CECR2: variants seen among roughly 807,000 people sequenced by gnomAD.
CECR2 encodes the protein chromatin remodeling regulator CECR2.
Under a neutral mutation model 154.5 loss-of-function variants are expected in CECR2, and 30 were observed. The observed-to-expected ratio is 0.19, with a 90% confidence interval of 0.15 to 0.26. The LOEUF is 0.26. Ranked by LOEUF, CECR2 falls within the 10% of genes least tolerant of loss-of-function variation. The pLI is 1.00. For synonymous variants in CECR2, 725 were observed against 683.7 expected, an observed-to-expected ratio of 1.06 and a Z score of -0.94; for missense variants, 1,743 against 1,829.3, an observed-to-expected ratio of 0.95 and a Z score of 0.86.
In CECR2 at chr22:17,452,997, A is replaced by G. The variant is rs188380988; in HGVS notation, c.127-24591A>G. Among the ~76,000 whole-genome samples the G allele has an allele frequency of 2.6e-4, 39 of 152,340 alleles. No individual in the cohort carries two copies. The East Asian group carries it at 5.8e-3, about 23-fold the overall frequency. Reference sequence around the variant, plus strand: ...CATGACAAGACCCTATTTATGAAACATAATAGACACACAAATGTTTATCGG... The same window carrying G: ...CATGACAAGACCCTATTTATGAAACGTAATAGACACACAAATGTTTATCGG... On this transcript the variant is annotated intron_variant, in intron 1 of 18. Coordinates refer to ENST00000262608, the MANE Select transcript of CECR2 (RefSeq NM_001290047.2).
At chr22:17,410,274 C>T (rs1185686718) in intron 1 of CECR2, among the ~76,000 whole-genome samples, 1 of 152,028 alleles carries the variant, frequency 6.6e-6, no homozygotes, top group Non-Finnish European at 1.5e-5. Context: ...CCACCGCGCC[C>T]GGCCCTGTCA....
At chr22:17,430,737 C>T (rs1275408741) in intron 1 of CECR2, among the ~76,000 whole-genome samples, 1 of 151,936 alleles carries the variant, frequency 6.6e-6, no homozygotes, top group Non-Finnish European at 1.5e-5. Flanking sequence ...TGCATCATCC[C>T]TTTGGGTCAT....
intron 1 of CECR2, among the ~76,000 whole-genome samples, chr22:17,360,420 G>A (rs918795257): frequency 3.9e-5 from 6 of 152,192 alleles, no homozygotes; most frequent in African/African-American, 1.4e-4. Context: ...AGTGGCTCAC[G>A]CCTATAATCC....
At chr22:17,447,501 G>A (rs918518863) in intron 1 of CECR2, among the ~76,000 whole-genome samples, 3 of 152,014 alleles carry the variant, frequency 2.0e-5, no homozygotes, top group Non-Finnish European at 2.9e-5. Context: ...TGCGTTTACA[G>A]TACCACTGCA....
chr22:17,497,828 T>G (rs1432756718), intron 3 of CECR2, among the ~76,000 whole-genome samples: 1 of 152,206 alleles, frequency 6.6e-6, no homozygotes, highest in Non-Finnish European at 1.5e-5. Flanking sequence ...TTCATCTTCC[T>G]TTACGTGCAC....
At chr22:17,379,172 G>C (rs1008381197) in intron 1 of CECR2, among the ~76,000 whole-genome samples, 2 of 152,084 alleles carry the variant, frequency 1.3e-5, no homozygotes, top group African/African-American at 4.8e-5. Context: ...GGTCAGGCTG[G>C]TTTCGAACTC....
intron 1 of CECR2, among the ~76,000 whole-genome samples, chr22:17,411,607 C>T (rs1009329700): frequency 6.6e-6 from 1 of 152,234 alleles, no homozygotes; most frequent in Non-Finnish European, 1.5e-5. Context: ...TAGGACCTAT[C>T]TTCCCATTTA....
intron 1 of CECR2, among the ~76,000 whole-genome samples, chr22:17,418,058 C>G (rs969524883): frequency 2.0e-5 from 3 of 152,038 alleles, no homozygotes; most frequent in Non-Finnish European, 4.4e-5. Flanking sequence ...TGTAAGTATA[C>G]AGTTGAGTTT....
chr22:17,424,996 A>G (rs1285903734), intron 1 of CECR2, among the ~76,000 whole-genome samples: 1 of 152,242 alleles, frequency 6.6e-6, no homozygotes, highest in African/African-American at 2.4e-5. Flanking sequence ...ATATAATCTA[A>G]TATCTAAAAT....
At chr22:17,370,359 G>A (rs1282640209) in intron 1 of CECR2, among the ~76,000 whole-genome samples, 1 of 150,766 alleles carries the variant, frequency 6.6e-6, no homozygotes, top group Non-Finnish European at 1.5e-5. Flanking sequence ...GACCGGGGCG[G>A]GAGTCGGCCG....
intron 1 of CECR2, among the ~76,000 whole-genome samples, chr22:17,397,296 C>T (rs1219100273): frequency 6.6e-6 from 1 of 152,100 alleles, no homozygotes; most frequent in African/African-American, 2.4e-5. Context: ...CACACCACCA[C>T]ACCTGGCTAA....
chr22:17,425,982 T>C (rs1330413851), intron 1 of CECR2, among the ~76,000 whole-genome samples: 1 of 152,122 alleles, frequency 6.6e-6, no homozygotes, highest in African/African-American at 2.4e-5. Flanking sequence ...ACAGAGGAAT[T>C]TCCTTTTTAA....
At chr22:17,486,312 A>AT (rs1287016273) in intron 2 of CECR2, among the ~76,000 whole-genome samples, 2 of 152,184 alleles carry the variant, frequency 1.3e-5, no homozygotes, top group African/African-American at 4.8e-5. Context: ...AATTCAAATG[A>AT]TTTTTTCAGG....
In CECR2 at chr22:17,499,226, T is replaced by C. The variant is rs540223991; in HGVS notation, c.406-184T>C. Among the ~76,000 whole-genome samples the C allele has an allele frequency of 1.2e-4, 18 of 152,008 alleles. No homozygotes were observed. In the South Asian group the frequency reaches 3.7e-3, roughly 32 times the overall value. On this transcript the variant is annotated intron_variant, in intron 3 of 18. Transcript: ENST00000262608. ...GGCTGGTCTTGAACTCCTGACCCCA[T>C]GATTTGCCCGCCTCAGCCTCCCAAA...
chr22:17,435,878 C>G (rs992468188), intron 1 of CECR2, among the ~76,000 whole-genome samples: 6 of 152,100 alleles, frequency 3.9e-5, no homozygotes, highest in African/African-American at 1.4e-4. Flanking sequence ...ATCAGTCATC[C>G]TCCAAGGGTG....
intron 1 of CECR2, among the ~76,000 whole-genome samples, chr22:17,444,031 TC>T (rs1440248078): frequency 6.6e-6 from 1 of 152,204 alleles, no homozygotes; most frequent in Non-Finnish European, 1.5e-5. Context: ...TCACCCTTCC[TC>T]CCAGGTATTT....
chr22:17,431,227 A>G (rs1213988969), intron 1 of CECR2, among the ~76,000 whole-genome samples: 3 of 152,222 alleles, frequency 2.0e-5, no homozygotes, highest in Non-Finnish European at 4.4e-5. Context: ...ACTCTGATGT[A>G]TGTAGGATTG....
At chr22:17,500,850 G>C (rs1284899272) in intron 5 of CECR2, 115 bp downstream of exon 5, 1 of 706,974 alleles carries the variant, frequency 1.4e-6, no homozygotes, top group Non-Finnish European at 2.3e-6. Flanking sequence ...ATAGCAACCT[G>C]AAACTGAGTC....
At chr22:17,455,504 T>C (rs1011822734) in intron 1 of CECR2, among the ~76,000 whole-genome samples, 1 of 152,238 alleles carries the variant, frequency 6.6e-6, no homozygotes, top group African/African-American at 2.4e-5. Context: ...TGACCCACTT[T>C]ATAGTTCATG....
Sources: gnomAD v4.1 joint callset for allele counts (sites outside exome capture counted in the v4.1 genomes callset) on GRCh38, gnomAD v4.1.1 for gene constraint, MANE v1.5 for transcripts, NCBI Gene and HGNC (gene_info 2026-07-23, HGNC 2026-07-21) for gene names.